The following CAMKMT variants were observed in gnomAD, a reference collection of about 807,000 sequenced individuals.
CAMKMT encodes the protein calmodulin-lysine N-methyltransferase, also known as CaM KMT.
Under a neutral mutation model 48.0 loss-of-function variants are expected in CAMKMT, and 53 were observed. That is an observed-to-expected ratio of 1.10 (90% CI 0.89 to 1.39). The LOEUF (loss-of-function observed/expected upper bound fraction) is 1.39. Among genes scored for constraint, CAMKMT ranks in the 40% most tolerant of loss-of-function variants. The probability of loss-of-function intolerance (pLI) is 0.00; values close to 1 mark genes in which losing one functional copy is unlikely to be tolerated. For missense variants in CAMKMT, 428 were observed against 402.7 expected, an observed-to-expected ratio of 1.06 and a Z score of -0.54; for synonymous variants, 165 against 152.3, an observed-to-expected ratio of 1.08 and a Z score of -0.61.
chr2:44,469,221 A>G (rs1668287537), intron 3 of CAMKMT, among the ~76,000 whole-genome samples: 1 of 152,222 alleles, frequency 6.6e-6, no homozygotes, highest in Non-Finnish European at 1.5e-5. Context: ...ATATCAAAGT[A>G]TCATACTGTA....
chr2:44,472,490 C>T (rs1412651916), intron 3 of CAMKMT, among the ~76,000 whole-genome samples: 1 of 152,210 alleles, frequency 6.6e-6, no homozygotes, highest in Non-Finnish European at 1.5e-5. Flanking sequence ...ACTTTTGCAT[C>T]AGCCCCCAAA....
intron 3 of CAMKMT, among the ~76,000 whole-genome samples, chr2:44,550,229 G>A (rs1249903366): frequency 4.0e-5 from 6 of 151,692 alleles, no homozygotes; most frequent in East Asian, 3.9e-4. Flanking sequence ...GGGAGACCCC[G>A]TTTCTACAAA....
In CAMKMT at chr2:44,548,675, G is replaced by A. The variant is rs148155382; in HGVS notation, c.377-155608G>A. 4.3e-3 allele frequency among the ~76,000 whole-genome samples: 658 copies of A among 152,248 alleles called. 5 individuals are homozygous for A. Among genetic ancestry groups the A allele is most frequent in the African/African-American group, 0.015 (631 of 41,532 alleles). On this transcript the variant is annotated intron_variant, in intron 3 of 10. Transcript: ENST00000378494. ...AGGTCAGAGACGGGAAGTCAGAGACGAAGCAGGAGAAGGATTTGCTGGCTT... is the reference window on the plus strand; with the variant it reads ...AGGTCAGAGACGGGAAGTCAGAGACAAAGCAGGAGAAGGATTTGCTGGCTT...
intron 9 of CAMKMT, among the ~76,000 whole-genome samples, chr2:44,760,310 A>C: frequency 6.6e-6 from 1 of 151,970 alleles, no homozygotes; most frequent in East Asian, 1.9e-4. Flanking sequence ...GATCAACAAG[A>C]AGTTTGCTCT....
chr2:44,706,182 C>T (rs899289712), intron 4 of CAMKMT, 105 bp from the exon 5 acceptor site: 57 of 1,071,896 alleles, frequency 5.3e-5, no homozygotes, highest in Non-Finnish European at 7.7e-5. Flanking sequence ...TTCCTGGTAG[C>T]GCCGTTCTTA....
chr2:44,496,542 G>A (rs747624089), intron 3 of CAMKMT, among the ~76,000 whole-genome samples: 2 of 152,180 alleles, frequency 1.3e-5, no homozygotes, highest in Non-Finnish European at 2.9e-5. Context: ...TTGTACGTAT[G>A]CCTTACAGGC....
intron 7 of CAMKMT, among the ~76,000 whole-genome samples, chr2:44,716,525 G>A (rs1438445338): frequency 6.6e-6 from 1 of 152,136 alleles, no homozygotes; most frequent in South Asian, 2.1e-4. Flanking sequence ...AAAATGTTGG[G>A]AGTAAGCTGG....
At chr2:44,582,191 A>G (rs1439508262) in intron 3 of CAMKMT, among the ~76,000 whole-genome samples, 1 of 152,240 alleles carries the variant, frequency 6.6e-6, no homozygotes, top group Non-Finnish European at 1.5e-5. Context: ...ATGGAAGAAC[A>G]GAAAGAATGT....
intron 3 of CAMKMT, among the ~76,000 whole-genome samples, chr2:44,412,523 G>C (rs557037927): frequency 3.3e-5 from 5 of 152,066 alleles, no homozygotes; most frequent in African/African-American, 1.2e-4. Context: ...TTTTAGTAGA[G>C]ACAGCTTTTG....
At chr2:44,384,487 C>T (rs1226554030) in intron 2 of CAMKMT, among the ~76,000 whole-genome samples, 9 of 143,722 alleles carry the variant, frequency 6.3e-5, no homozygotes, top group East Asian at 2.0e-4. Context: ...TTAATTAGAT[C>T]TCAGCTATTT....
chr2:44,737,889 G>A (rs71422107), intron 7 of CAMKMT, among the ~76,000 whole-genome samples: 168 of 146,808 alleles, frequency 1.1e-3, no homozygotes, highest in Non-Finnish European at 2.0e-3. Flanking sequence ...ATGGAGTCTC[G>A]CTGTTACCCA....
intron 3 of CAMKMT, among the ~76,000 whole-genome samples, chr2:44,575,659 C>T (rs1669177233): frequency 6.6e-6 from 1 of 151,954 alleles, no homozygotes. Context: ...CTCTTGAGCT[C>T]AGGAGTTTGA....
At chr2:44,753,485 C>T (rs894719103) in intron 8 of CAMKMT, among the ~76,000 whole-genome samples, 1 of 151,414 alleles carries the variant, frequency 6.6e-6, no homozygotes, top group Non-Finnish European at 1.5e-5. Flanking sequence ...GAGGAAAATC[C>T]AAAGTTGCCA....
intron 2 of CAMKMT, 120 bp from the exon 3 acceptor site, chr2:44,390,121 C>A (rs1046196341): frequency 1.5e-6 from 1 of 665,378 alleles, no homozygotes; most frequent in Non-Finnish European, 2.6e-6. Context: ...TAAAATATAG[C>A]ATGGAATAAT....
At chr2:44,740,965 C>T (rs1378992514) in intron 7 of CAMKMT, among the ~76,000 whole-genome samples, 1 of 152,116 alleles carries the variant, frequency 6.6e-6, no homozygotes. Context: ...GTTGCAGTAA[C>T]TGGTAAAGAT....
At chr2:44,541,629 C>T (rs572371316) in intron 3 of CAMKMT, among the ~76,000 whole-genome samples, 9 of 151,808 alleles carry the variant, frequency 5.9e-5, no homozygotes, top group South Asian at 2.1e-4. Context: ...AAATTAGCTG[C>T]GCATAGTGGT....
intron 9 of CAMKMT, among the ~76,000 whole-genome samples, chr2:44,754,509 G>A (rs1558836778): frequency 6.6e-6 from 1 of 151,878 alleles, no homozygotes; most frequent in African/African-American, 2.4e-5. Context: ...TTTCTCATTG[G>A]TTATTTATTT....
chr2:44,731,545 C>G (rs1486335158), intron 7 of CAMKMT, among the ~76,000 whole-genome samples: 1 of 152,160 alleles, frequency 6.6e-6, no homozygotes, highest in Non-Finnish European at 1.5e-5. Flanking sequence ...AAACTTGAAA[C>G]AGAGACTCTC....
At chr2:44,462,212 TAAAG>T (rs939120125) in intron 3 of CAMKMT, among the ~76,000 whole-genome samples, 1 of 152,058 alleles carries the variant, frequency 6.6e-6, no homozygotes, top group African/African-American at 2.4e-5. Flanking sequence ...ATTCAAATAA[TAAAG>T]AAAAGGGTAA....
Sources: gnomAD v4.1 joint callset for allele counts (sites outside exome capture counted in the v4.1 genomes callset) on GRCh38, gnomAD v4.1.1 for gene constraint, MANE v1.5 for transcripts, NCBI Gene and HGNC (gene_info 2026-07-23, HGNC 2026-07-21) for gene names.